WDR26: variants seen among roughly 807,000 people sequenced by gnomAD.
WDR26 encodes WD repeat-containing protein 26.
A neutral mutation model predicts 84.1 loss-of-function variants in WDR26; 5 were observed. That is an observed-to-expected ratio of 0.06 (90% CI 0.03 to 0.13). The LOEUF (loss-of-function observed/expected upper bound fraction) is 0.13. WDR26 is among the 10% of genes least tolerant of loss of function. The pLI is 1.00. For synonymous variants in WDR26, 415 were observed against 389.6 expected (o/e 1.07, Z -0.77); for missense variants, 642 against 974.9 (o/e 0.66, Z 4.55).
intron 3 of WDR26, chr1:224,431,175 A>C (rs1452213941): frequency 1.3e-5 from 3 of 231,896 alleles, no homozygotes; most frequent in African/African-American, 6.8e-5. Context: ...ACATAATAAA[A>C]GTATAATTTA....
chr1:224,400,885 G>C, intron 9 of WDR26, 65 bp downstream of exon 9: 1 of 1,581,156 alleles, frequency 6.3e-7, no homozygotes, highest in Non-Finnish European at 8.6e-7. Flanking sequence ...CAAGGAAATT[G>C]TTTAAACAAA....
At chr1:224,399,862 G>C (rs932250242) in intron 9 of WDR26, among the ~76,000 whole-genome samples, 1 of 152,086 alleles carries the variant, frequency 6.6e-6, no homozygotes, top group African/African-American at 2.4e-5. Context: ...ATCCCAGCAC[G>C]TTGGGAGGCC....
In WDR26 at chr1:224,387,363, G is replaced by A. The variant is rs1673012694; in HGVS notation, c.*2472C>T. ...CGAGCACAGTCACTGCATGGCAAAT[G>A]TATGAAACAGACGTTTACAGCAAAT... is the stretch of plus-strand genomic sequence containing the variant. On this transcript the variant is annotated 3_prime_UTR_variant, in exon 14 of 14. Transcript: ENST00000414423. 6.6e-6 allele frequency: 1 copy of A among 152,562 alleles called. No homozygotes were observed. Among genetic ancestry groups the A allele is most frequent in the African/African-American group, 2.4e-5 (1 of 41,430 alleles). The allele number at this position is 152,562 out of a possible 1,614,324, so 9.5% of individuals were successfully genotyped here. A position where few individuals can be genotyped will look rare whatever the true frequency, so the allele number is the denominator to read the frequency against.
intron 1 of WDR26, among the ~76,000 whole-genome samples, chr1:224,432,217 A>G (rs1260675890): frequency 6.6e-6 from 1 of 152,258 alleles, no homozygotes; most frequent in Non-Finnish European, 1.5e-5. Context: ...TATATTGCAT[A>G]GAAATTCTAC....
At chr1:224,414,475 T>G (rs1673835524) in intron 6 of WDR26, among the ~76,000 whole-genome samples, 1 of 152,170 alleles carries the variant, frequency 6.6e-6, no homozygotes, top group South Asian at 2.1e-4. Context: ...ATAATTCATT[T>G]TAATCAGAAT....
chr1:224,422,502 G>A (rs1312550249), intron 4 of WDR26, among the ~76,000 whole-genome samples: 1 of 152,192 alleles, frequency 6.6e-6, no homozygotes, highest in African/African-American at 2.4e-5. Flanking sequence ...GATCACCTGA[G>A]GTCAGAAGTT....
chr1:224,431,603 A>T (rs1350635309), intron 2 of WDR26, 22 bp from the exon 3 acceptor site: 2 of 1,611,988 alleles, frequency 1.2e-6, no homozygotes, highest in Non-Finnish European at 1.7e-6. Flanking sequence ...GGTATAAAAG[A>T]AAAACAGAAA....
intron 3 of WDR26, among the ~76,000 whole-genome samples, chr1:224,428,742 CA>C (rs11452219): frequency 1.8e-3 from 248 of 135,920 alleles, no homozygotes; most frequent in Admixed American, 1.9e-3. Context: ...ACTAAAAATA[CA>C]AAAAAAAAAA....
intron 3 of WDR26, chr1:224,431,117 C>T (rs1674379530): frequency 5.4e-6 from 1 of 184,002 alleles, no homozygotes; most frequent in Non-Finnish European, 1.2e-5. Flanking sequence ...GATATACACA[C>T]ACCCAAACAC....
At chr1:224,410,428 T>C (rs1673704810) in intron 7 of WDR26, among the ~76,000 whole-genome samples, 1 of 152,062 alleles carries the variant, frequency 6.6e-6, no homozygotes, top group African/African-American at 2.4e-5. Flanking sequence ...TTAGTTGAAA[T>C]AAATGAAAAT....
Position 224,434,659 on chromosome 1 carries a change from C to T in WDR26, c.-254G>A. 3 of 795,728 alleles carry T rather than the reference C, an allele frequency of 3.8e-6. No individual in the cohort carries two copies. The highest frequency in any genetic ancestry group is 4.6e-6 in the Non-Finnish European group (3 of 659,242). The allele number at this position is 795,728 out of a possible 1,614,324, so 49.3% of individuals were successfully genotyped here. A position where few individuals can be genotyped will look rare whatever the true frequency, so the allele number is the denominator to read the frequency against. ...CGGGGCGGCTGCGGGGGCGCGGGGC[C>T]CGCCGCTGGGCTGAGCCCCGGCAGT... is the stretch of plus-strand genomic sequence containing the variant. On this transcript the variant is annotated 5_prime_UTR_variant, in exon 1 of 14. Transcript: ENST00000414423.
chr1:224,389,897 CGGGGGAGGG>C, intron 13 of WDR26, 37 bp from the exon 14 acceptor site: 79 of 174,114 alleles, frequency 4.5e-4, no homozygotes, highest in Non-Finnish European at 7.5e-4. Flanking sequence ...GGGGGGCGGG[CGGGGGAGGG>C]AAGAGGGGAA....
chr1:224,434,676 C>G lies in WDR26; in HGVS notation c.-271G>C. The stretch of plus-strand genomic sequence containing the variant: ...CGCGGGGCCCGCCGCTGGGCTGAGC[C>G]CCGGCAGTGGCTGCGGCGGCGGCGG... On this transcript the variant is annotated 5_prime_UTR_variant, in exon 1 of 14. Coordinates refer to ENST00000414423, the MANE Select transcript of WDR26 (RefSeq NM_001379403.1). 1 of 859,676 alleles carries G rather than the reference C, an allele frequency of 1.2e-6. No individual in the cohort carries two copies. The highest frequency in any genetic ancestry group is 1.4e-6 in the Non-Finnish European group (1 of 717,574). The allele number at this position is 859,676 out of a possible 1,614,324, so 53.3% of individuals were successfully genotyped here.
chr1:224,407,655 C>T (rs192351321), intron 7 of WDR26, among the ~76,000 whole-genome samples: 4 of 151,688 alleles, frequency 2.6e-5, no homozygotes, highest in Admixed American at 6.6e-5. Context: ...ACTACAGGCA[C>T]GCACTACCAT....
chr1:224,420,461 C>T (rs1214098549), intron 4 of WDR26, among the ~76,000 whole-genome samples: 1 of 152,144 alleles, frequency 6.6e-6, no homozygotes, highest in African/African-American at 2.4e-5. Context: ...ATCTGTTTCT[C>T]TCACTTGTAA....
At chr1:224,402,342 C>T (rs756875604) in intron 8 of WDR26, among the ~76,000 whole-genome samples, 4 of 152,210 alleles carry the variant, frequency 2.6e-5, no homozygotes, top group Non-Finnish European at 5.9e-5. Flanking sequence ...AGCACAAATA[C>T]ACAAGCAATA....
At chr1:224,407,150 A>AG (rs1558426057) in intron 7 of WDR26, among the ~76,000 whole-genome samples, 2 of 65,764 alleles carry the variant, frequency 3.0e-5, no homozygotes, top group South Asian at 6.1e-4. Context: ...AAAAAAAAAA[A>AG]AATATATATA....
At chr1:224,423,277 T>C (rs1056596542) in intron 4 of WDR26, among the ~76,000 whole-genome samples, 21 of 152,206 alleles carry the variant, frequency 1.4e-4, no homozygotes, top group African/African-American at 4.8e-4. Flanking sequence ...AATACAATGT[T>C]GAACAGACGT....
At chr1:224,397,784 AATCTT>A (rs1448066076) in intron 12 of WDR26, 3 of 231,174 alleles carry the variant, frequency 1.3e-5, no homozygotes, top group African/African-American at 6.9e-5. Context: ...AATTTAACTA[AATCTT>A]GATTAGACAC....
Sources: allele counts gnomAD v4.1 joint callset (sites outside exome capture counted in the v4.1 genomes callset), GRCh38; gene constraint gnomAD v4.1.1; transcripts MANE v1.5; gene names NCBI Gene and HGNC (gene_info 2026-07-23, HGNC 2026-07-21).